The following PFKL variants were observed in gnomAD, a reference collection of about 807,000 sequenced individuals.
The protein encoded by PFKL is phosphofructokinase, liver type, also known as ATP-dependent 6-phosphofructokinase, liver type.
PFKL carries 74 observed loss-of-function variants against 92.1 expected under a neutral mutation model. The observed-to-expected ratio is 0.80, with a 90% CI of 0.67 to 0.97. The LOEUF is 0.97. Ranked by LOEUF, PFKL falls within the 50% of genes least tolerant of loss-of-function variation. PFKL has a pLI of 0.00. For missense variants in PFKL, 1,028 were observed against 1,116.6 expected, an observed-to-expected ratio of 0.92 and a Z score of 1.13; for synonymous variants, 494 against 456.4, an observed-to-expected ratio of 1.08 and a Z score of -1.05.
intron 2 of PFKL, among the ~76,000 whole-genome samples, chr21:44,308,204 C>G (rs2041007333): frequency 6.6e-6 from 1 of 152,128 alleles, no homozygotes; most frequent in Non-Finnish European, 1.5e-5. Flanking sequence ...TACATCCTGT[C>G]CAGGCGGTAA....
rs2047203782 is a variant in PFKL, at chr21:44,316,319, T to C, written c.823T>C (p.Ser275Pro). The C allele has an allele frequency of 6.2e-7, 1 of 1,613,178 alleles. No homozygotes were observed. Among genetic ancestry groups the C allele is most frequent in the African/African-American group, 1.3e-5 (1 of 74,934 alleles). Residue 275 changes from serine to proline, a missense_variant, in exon 8 of 22, where the codon TCG (serine) becomes CCG (proline). Transcript: ENST00000349048. Reference protein sequence around the residue: ...GAIDRNGKPISSSYVKDLVVQ... With the variant: ...GAIDRNGKPIPSSYVKDLVVQ... The stretch of plus-strand genomic sequence containing the variant: ...CATTGACCGCAACGGGAAGCCCATC[T>C]CGTCCAGCTACGTGAAGGACGTGCG...
At position 44,318,615 on chromosome 21, in the gene PFKL, C is replaced by A. The variant is rs199755995; in HGVS notation, c.1062+20C>A. The A allele has an allele frequency of 2.1e-4, 308 of 1,453,562 alleles. No homozygotes were observed. Among genetic ancestry groups the A allele is most frequent in the Non-Finnish European group, 2.7e-4 (295 of 1,088,908 alleles). 90.0% of individuals were successfully genotyped at this position (1,453,562 alleles called of 1,614,324 possible). On this transcript the variant is annotated intron_variant, in intron 10 of 21. Coordinates refer to ENST00000349048, the MANE Select transcript of PFKL (RefSeq NM_002626.6). Reference sequence around the variant, plus strand: ...CAGATGGTAAGCCCTGGGCCCCCCCCATCAGAACCGCCTGGCCCCTCTCCC... The same window carrying A: ...CAGATGGTAAGCCCTGGGCCCCCCCAATCAGAACCGCCTGGCCCCTCTCCC...
At chr21:44,303,380 C>T (rs1274903800) in intron 1 of PFKL, among the ~76,000 whole-genome samples, 1 of 135,080 alleles carries the variant, frequency 7.4e-6, no homozygotes, top group Non-Finnish European at 1.5e-5. Flanking sequence ...CACTGCACTC[C>T]AGCCTGGGTG....
chr21:44,305,896 T>G, intron 1 of PFKL: 1 of 1,364,782 alleles, frequency 7.3e-7, no homozygotes, highest in South Asian at 1.1e-5. Context: ...GGAAGTGACC[T>G]CAGAGCCTGG....
chr21:44,310,220 G>C (rs1285252000), intron 2 of PFKL, among the ~76,000 whole-genome samples: 3 of 152,264 alleles, frequency 2.0e-5, no homozygotes, highest in African/African-American at 7.2e-5. Context: ...GAAAGGGCTG[G>C]CCGTGCAGTA....
Position 44,319,623 on chromosome 21 carries a change from C to G in PFKL, c.1127+208C>G, listed in dbSNP as rs558216031. 15 of 598,886 alleles carry G rather than the reference C, an allele frequency of 2.5e-5. 1 individual carries two copies. The African/African-American group carries it at 2.8e-4, about 11-fold the overall frequency. 37.1% of individuals were successfully genotyped at this position (598,886 alleles called of 1,614,324 possible). ...AGGAGACCCTGGGCGGTGGCACGGG[C>G]AGGGCCCAGTGCACAGGGATCTGGG... On this transcript the variant is annotated intron_variant, in intron 11 of 21. Coordinates refer to ENST00000349048, the MANE Select transcript of PFKL (RefSeq NM_002626.6).
At chr21:44,324,391 TG>T (rs1008076350) in intron 16 of PFKL, 99 bp from the exon 17 acceptor site, 36 of 1,270,108 alleles carry the variant, frequency 2.8e-5, no homozygotes, top group Non-Finnish European at 3.9e-5. Flanking sequence ...AGCCCCAGGC[TG>T]GCTTTGGAGA....
At chr21:44,306,812 C>T (rs2070570) in intron 2 of PFKL, 58 bp downstream of exon 2, 606,885 of 1,452,140 alleles carry the variant, frequency 0.42, 130,280 homozygotes, top group East Asian at 0.62. Context: ...AGGCGCATGC[C>T]GAGGTGTGTT....
chr21:44,325,504 G>C (rs747125040), intron 19 of PFKL: 4 of 571,114 alleles, frequency 7.0e-6, no homozygotes, highest in Non-Finnish European at 1.3e-5. Flanking sequence ...ATGCTGAGCC[G>C]AGCTCCCCAC....
chr21:44,304,464 G>A (rs2040869641), intron 1 of PFKL: 15 of 1,199,688 alleles, frequency 1.3e-5, no homozygotes, highest in Non-Finnish European at 1.6e-5. Context: ...AGGTGGGCTT[G>A]GACCTGTGGT....
rs563491602 is a variant in PFKL, at chr21:44,304,019, G to A, written c.86-2662G>A. On this transcript the variant is annotated intron_variant, in intron 1 of 21. Transcript: ENST00000349048. Reference sequence around the variant, plus strand: ...CAGAGAAAATTTCCTCCTTCAGGCCGCAGCCAGTCCCGTTCTAAAATCCAG... The same window carrying A: ...CAGAGAAAATTTCCTCCTTCAGGCCACAGCCAGTCCCGTTCTAAAATCCAG... 6.2e-5 allele frequency among the ~76,000 whole-genome samples: 9 copies of A among 145,132 alleles called. No individual in the cohort carries two copies. In the East Asian group the frequency reaches 1.3e-3, roughly 21 times the overall value.
At chr21:44,319,464 T>G (rs752092626) in intron 11 of PFKL, 49 bp downstream of exon 11, 2 of 1,498,550 alleles carry the variant, frequency 1.3e-6, no homozygotes, top group Non-Finnish European at 1.9e-6. Flanking sequence ...TGGGTCCCGG[T>G]GCCAGGCAGC....
rs1555874972 is a variant in PFKL at position 44,303,441 on chromosome 21, A to AAAAAAAAAAAAAAAGACTTGATCG, written c.86-3226_86-3225insGACTTGATCGAAAAAAAAAAAAAA. On this transcript the variant is annotated intron_variant, in intron 1 of 21. Coordinates refer to ENST00000349048, the MANE Select transcript of PFKL (RefSeq NM_002626.6). ...AAAAAAACAGACTTGACCAAAAAAA[A>AAAAAAAAAAAAAAAGACTTGATCG]AAAAAAAAAAAAAATGGCCCGGCCT... 1.5e-3 allele frequency among the ~76,000 whole-genome samples: 148 copies of AAAAAAAAAAAAAAAGACTTGATCG among 97,118 alleles called. 32 individuals are homozygous for AAAAAAAAAAAAAAAGACTTGATCG. The highest frequency in any genetic ancestry group is 6.0e-3 in the African/African-American group (114 of 18,964). The allele number at this position is 97,118 out of a possible 152,430, so 63.7% of individuals were successfully genotyped here. A position where few individuals can be genotyped will look rare whatever the true frequency, so the allele number is the denominator to read the frequency against.
chr21:44,322,035 A>G, intron 13 of PFKL, 98 bp from the exon 14 acceptor site: 1 of 1,469,614 alleles, frequency 6.8e-7, no homozygotes, highest in Non-Finnish European at 9.2e-7. Flanking sequence ...CTGCAGCGTG[A>G]TGCCCAACAC....
At chr21:44,319,968 A>G in intron 11 of PFKL, 116 bp from the exon 12 acceptor site, 1 of 879,476 alleles carries the variant, frequency 1.1e-6, no homozygotes, top group Non-Finnish European at 1.9e-6. Context: ...CTCATGGCTG[A>G]GCTTCCATCG....
chr21:44,309,068 A>C (rs996040875), intron 2 of PFKL, among the ~76,000 whole-genome samples: 1 of 152,148 alleles, frequency 6.6e-6, no homozygotes, highest in Non-Finnish European at 1.5e-5. Flanking sequence ...GAGCAGCTGC[A>C]TCCTGAGCTT....
At chr21:44,311,471 C>T (rs2047046301) in intron 3 of PFKL, among the ~76,000 whole-genome samples, 1 of 152,322 alleles carries the variant, frequency 6.6e-6, no homozygotes, top group African/African-American at 2.4e-5. Flanking sequence ...CACACGTAGA[C>T]ACACAGATGC....
At chr21:44,319,678 C>G (rs988293634) in intron 11 of PFKL, 5 of 566,564 alleles carry the variant, frequency 8.8e-6, no homozygotes, top group Non-Finnish European at 1.3e-5. Flanking sequence ...GCTGTGGATA[C>G]AAGCCCAGGA....
chr21:44,319,502 T>C, intron 11 of PFKL, 87 bp downstream of exon 11: 2 of 1,140,518 alleles, frequency 1.8e-6, no homozygotes, highest in East Asian at 2.3e-5. Flanking sequence ...TATGCACGCC[T>C]GGCCTGGGTC....
Sources: allele counts gnomAD v4.1 joint callset (sites outside exome capture counted in the v4.1 genomes callset), GRCh38; gene constraint gnomAD v4.1.1; transcripts MANE v1.5; gene names NCBI Gene and HGNC (gene_info 2026-07-23, HGNC 2026-07-21).